SFMBT2: variants seen among roughly 807,000 people sequenced by gnomAD.
SFMBT2 encodes the protein Scm like with four mbt domains 2, also known as scm-like with four MBT domains protein 2.
A neutral mutation model predicts 110.1 loss-of-function variants in SFMBT2; 38 were observed. The ratio of observed to expected loss-of-function variants is 0.35; its 90% CI spans 0.27 to 0.45. The LOEUF (loss-of-function observed/expected upper bound fraction) is 0.45, where lower values mean the gene tolerates loss of function less well. SFMBT2 is among the 20% of genes least tolerant of loss of function. The pLI is 1.00. For missense variants in SFMBT2, 1,011 were observed against 1,094.9 expected (o/e 0.92, Z 1.08); for synonymous variants, 425 against 425.4 (o/e 1.00, Z 0.01).
chr10:7,315,041 A>T (rs1458866620), intron 4 of SFMBT2, among the ~76,000 whole-genome samples: 1 of 76,538 alleles, frequency 1.3e-5, no homozygotes, highest in Non-Finnish European at 3.0e-5. Flanking sequence ...AAAGAAAGAG[A>T]AAGAAAGAAA....
At chr10:7,388,399 C>A (rs910185660) in intron 1 of SFMBT2, among the ~76,000 whole-genome samples, 1 of 151,662 alleles carries the variant, frequency 6.6e-6, no homozygotes, top group Non-Finnish European at 1.5e-5. Flanking sequence ...TCTTGTTCAC[C>A]CAGGCTAGAG....
chr10:7,393,025 ATATATATATAAT>A (rs1564473124), intron 1 of SFMBT2, among the ~76,000 whole-genome samples: 9 of 60,822 alleles, frequency 1.5e-4, no homozygotes, highest in East Asian at 1.4e-3. Context: ...ATATATATAT[ATATATATATAAT>A]TTTTTTTTTT....
chr10:7,395,280 G>C (rs572315178), intron 1 of SFMBT2, among the ~76,000 whole-genome samples: 2 of 151,806 alleles, frequency 1.3e-5, no homozygotes, highest in East Asian at 3.9e-4. Flanking sequence ...TTCCACCTTG[G>C]AGGAAAAAAA....
Position 7,323,459 on chromosome 10 carries a change from AAAAAAAAAACC to A in SFMBT2, c.437-37516_437-37506del, listed in dbSNP as rs1342094931. The stretch of plus-strand genomic sequence containing the variant: ...GAGCAAGACTCCATCTCAAAAAAAA[AAAAAAAAAACC>A]AAAAAAAAAAAAAATGAGGAAAATA... On this transcript the variant is annotated intron_variant, in intron 4 of 20. Coordinates refer to ENST00000397167, the MANE Select transcript of SFMBT2 (RefSeq NM_001387889.1). Among the ~76,000 whole-genome samples the A allele has an allele frequency of 6.1e-3, 761 of 124,064 alleles. 9 individuals are homozygous for A. The highest frequency in any genetic ancestry group is 0.024 in the African/African-American group (721 of 30,406). 81.4% of individuals were successfully genotyped at this position (124,064 alleles called of 152,430 possible).
Position 7,381,966 on chromosome 10 carries a change from A to T in SFMBT2, c.-51-17T>A. 1 of 1,431,754 alleles carries T rather than the reference A, an allele frequency of 7.0e-7. No individual in the cohort carries two copies. Among genetic ancestry groups the T allele is most frequent in the Admixed American group, 2.5e-5 (1 of 40,084 alleles). 88.7% of individuals were successfully genotyped at this position (1,431,754 alleles called of 1,614,324 possible). A position where few individuals can be genotyped will look rare whatever the true frequency, so the allele number is the denominator to read the frequency against. ...AAAAATTACCTAAGAGCAATCAAAAAAAAAAAAATCAGAGCAGTTTAATCA... is the reference window on the plus strand; with the variant it reads ...AAAAATTACCTAAGAGCAATCAAAATAAAAAAAATCAGAGCAGTTTAATCA... On this transcript the variant is annotated splice_polypyrimidine_tract_variant and intron_variant, in intron 1 of 20. Transcript: ENST00000397167.
intron 4 of SFMBT2, among the ~76,000 whole-genome samples, chr10:7,339,741 C>G (rs987388407): frequency 3.9e-5 from 6 of 152,224 alleles, no homozygotes; most frequent in African/African-American, 1.4e-4. Context: ...TCATTCAGAG[C>G]AAGCACTGAA....
chr10:7,393,024 TA>T (rs1564473111), intron 1 of SFMBT2, among the ~76,000 whole-genome samples: 1 of 70,998 alleles, frequency 1.4e-5, no homozygotes, highest in Non-Finnish European at 2.5e-5. Flanking sequence ...TATATATATA[TA>T]TATATATATA....
chr10:7,406,369 T>G (rs754631953), intron 1 of SFMBT2, among the ~76,000 whole-genome samples: 3 of 151,798 alleles, frequency 2.0e-5, no homozygotes, highest in Non-Finnish European at 2.9e-5. Context: ...GTATCCTGTA[T>G]CAATTACATA....
At chr10:7,387,937 ACT>A (rs1845658895) in intron 1 of SFMBT2, among the ~76,000 whole-genome samples, 2 of 143,126 alleles carry the variant, frequency 1.4e-5, no homozygotes, top group South Asian at 2.3e-4. Flanking sequence ...CGACAGAGCA[ACT>A]CTGTTTCAAA....
At chr10:7,384,495 A>G (rs995432355) in intron 1 of SFMBT2, among the ~76,000 whole-genome samples, 2 of 150,904 alleles carry the variant, frequency 1.3e-5, no homozygotes, top group Non-Finnish European at 2.9e-5. Flanking sequence ...CTTTTTTAAC[A>G]GTTTTTAATA....
At chr10:7,312,988 G>C (rs1025035062) in intron 4 of SFMBT2, among the ~76,000 whole-genome samples, 1 of 152,056 alleles carries the variant, frequency 6.6e-6, no homozygotes, top group Non-Finnish European at 1.5e-5. Flanking sequence ...TCCACCTCGG[G>C]AGAAATAAAC....
Position 7,393,303 on chromosome 10 carries a change from T to A in SFMBT2, c.-51-11354A>T, listed in dbSNP as rs547093115. Among the ~76,000 whole-genome samples, 5 of 152,160 alleles carry A rather than the reference T, an allele frequency of 3.3e-5. 1 individual carries two copies. Among genetic ancestry groups the A allele is most frequent in the African/African-American group, 1.2e-4 (5 of 41,542 alleles). ...GTCTTGGCCTCCCAAAGTGCTGGGATTACAGACATGAGTCACCATGCCCGG... is the reference window on the plus strand; with the variant it reads ...GTCTTGGCCTCCCAAAGTGCTGGGAATACAGACATGAGTCACCATGCCCGG... On this transcript the variant is annotated intron_variant, in intron 1 of 20. Coordinates refer to ENST00000397167, the MANE Select transcript of SFMBT2 (RefSeq NM_001387889.1).
chr10:7,309,009 T>C (rs932092407), intron 4 of SFMBT2, among the ~76,000 whole-genome samples: 2 of 152,114 alleles, frequency 1.3e-5, no homozygotes, highest in African/African-American at 4.8e-5. Flanking sequence ...GACAGTTAAT[T>C]TTATGTGTCA....
chr10:7,364,231 T>C (rs1052777856), intron 4 of SFMBT2, among the ~76,000 whole-genome samples: 5 of 152,244 alleles, frequency 3.3e-5, no homozygotes, highest in African/African-American at 1.2e-4. Context: ...TAAATGTTTT[T>C]GAGTTCTTTA....
chr10:7,287,566 G>A (rs1842132137), intron 4 of SFMBT2, among the ~76,000 whole-genome samples: 4 of 152,152 alleles, frequency 2.6e-5, no homozygotes. Flanking sequence ...AGAGATGGAT[G>A]TGCAAAGTCA....
chr10:7,228,417 A>T, intron 9 of SFMBT2: 1 of 795,344 alleles, frequency 1.3e-6, no homozygotes, highest in African/African-American at 1.9e-5. Flanking sequence ...ACGACTTTTT[A>T]AAAAGTAACA....
At position 7,197,668 on chromosome 10, in the gene SFMBT2, G is replaced by A. The variant is rs139470763; in HGVS notation, c.1578C>T (p.Tyr526=). The A allele has an allele frequency of 1.3e-3, 2,031 of 1,614,148 alleles. 1 individual carries two copies. The highest frequency in any genetic ancestry group is 5.5e-3 in the Middle Eastern group (33 of 6,024). ...LDTTGTVNGK[Y]CCPQLFINHR... Reference sequence around the variant, plus strand: ...GGTTGATGAAGAGCTGAGGACAGCAGTATTTCCCGTTGACGGTTCCTGCAG... The same window carrying A: ...GGTTGATGAAGAGCTGAGGACAGCAATATTTCCCGTTGACGGTTCCTGCAG... The change falls in exon 15 of 21, where the codon TAC becomes TAT. Residue 526 remains tyrosine, a synonymous_variant. Transcript: ENST00000397167.
intron 1 of SFMBT2, among the ~76,000 whole-genome samples, chr10:7,387,236 GCTTACAGTAAACTTTT>G (rs1484356126): frequency 3.9e-5 from 6 of 152,244 alleles, no homozygotes; most frequent in Middle Eastern, 6.8e-3. Flanking sequence ...TTCCTCAAGA[GCTTACAGTAAACTTTT>G]CTTAGCAAAT....
At chr10:7,347,216 A>G (rs1031673581) in intron 4 of SFMBT2, among the ~76,000 whole-genome samples, 2 of 152,158 alleles carry the variant, frequency 1.3e-5, no homozygotes, top group African/African-American at 4.8e-5. Context: ...CAGGAGACCG[A>G]GTTTTGCTAG....
Sources: gnomAD v4.1 joint callset for allele counts (sites outside exome capture counted in the v4.1 genomes callset) on GRCh38, gnomAD v4.1.1 for gene constraint, MANE v1.5 for transcripts, NCBI Gene and HGNC (gene_info 2026-07-23, HGNC 2026-07-21) for gene names.